Variants in DDX5 observed in about 807,000 individuals in gnomAD.
DDX5 encodes the protein probable ATP-dependent RNA helicase DDX5.
DDX5 carries 6 observed loss-of-function variants against 68.6 expected under a neutral mutation model. The ratio of observed to expected loss-of-function variants is 0.09; its 90% CI spans 0.05 to 0.17. The LOEUF (loss-of-function observed/expected upper bound fraction) is 0.17, where lower values mean the gene tolerates loss of function less well. Ranked by LOEUF, DDX5 falls within the 10% of genes least tolerant of loss-of-function variation. The probability of loss-of-function intolerance (pLI) is 1.00; values close to 1 mark genes in which losing one functional copy is unlikely to be tolerated. For missense variants in DDX5, 499 were observed against 756.1 expected (o/e 0.66, Z 3.99); for synonymous variants, 350 against 247.0 (o/e 1.42, Z -3.91).
intron 1 of DDX5, chr17:64,505,148 T>G: frequency 3.2e-6 from 1 of 315,120 alleles, no homozygotes; most frequent in Non-Finnish European, 5.8e-6. Flanking sequence ...CACACACCAC[T>G]TCTTGTGGTT....
At chr17:64,502,797 A>C in intron 8 of DDX5, 129 bp downstream of exon 8, 1 of 959,914 alleles carries the variant, frequency 1.0e-6, no homozygotes, top group Non-Finnish European at 1.5e-6. Flanking sequence ...AGAAATTTTC[A>C]GGATTAGTAG....
chr17:64,499,755 G>C lies in DDX5; in HGVS notation c.*168C>G. On this transcript the variant is annotated 3_prime_UTR_variant, in exon 13 of 13. Coordinates refer to ENST00000225792, the MANE Select transcript of DDX5 (RefSeq NM_004396.5). ...AAAAAAAACCTAAAAATTGTTTCAG[G>C]AATGTAGAGAAATATCCAACTTAAA... The C allele has an allele frequency of 1.8e-6, 1 of 561,988 alleles. No individual in the cohort carries two copies. The highest frequency in any genetic ancestry group is 3.7e-5 in the Admixed American group (1 of 26,874). 34.8% of individuals were successfully genotyped at this position (561,988 alleles called of 1,614,324 possible).
In DDX5 at chr17:64,504,829, G is replaced by C; in HGVS notation, c.58C>G (p.Arg20Gly). Residue 20 changes from arginine to glycine, a missense_variant, in exon 2 of 13, where the codon CGA becomes GGA. Arg to Gly is a moderately radical substitution (Grantham distance 125). This residue lies in a region of DDX5 where 140 missense variants were observed against 135.7 expected (regional missense o/e 1.03). Coordinates refer to ENST00000225792, the MANE Select transcript of DDX5 (RefSeq NM_004396.5). ...RGRDRGFGAPRFGGSRAGPLS... is the reference protein window; with the variant it reads ...RGRDRGFGAPGFGGSRAGPLS... ...GGCCCTGCCCTACTTCCTCCAAATC[G>C]AGGTGCACCAAACCTGGAATGAAAA... 2 of 1,601,268 alleles carry C rather than the reference G, an allele frequency of 1.2e-6. No homozygotes were observed. The highest frequency in any genetic ancestry group is 1.7e-6 in the Non-Finnish European group (2 of 1,176,532).
At position 64,505,001 on chromosome 17, in the gene DDX5, G is replaced by A. The variant is rs544756062; in HGVS notation, c.45-159C>T. ...GTGAAAATCTCTCTCTCTCTCAACA[G>A]CCACAGTTAACATTTCCCGTAGTCC... On this transcript the variant is annotated intron_variant, in intron 1 of 12. Transcript: ENST00000225792. The A allele has an allele frequency of 2.1e-3, 1,145 of 558,334 alleles. 7 individuals are homozygous for A. In the African/African-American group the frequency reaches 0.028, roughly 13 times the overall value. 34.6% of individuals were successfully genotyped at this position (558,334 alleles called of 1,614,324 possible). A position where few individuals can be genotyped will look rare whatever the true frequency, so the allele number is the denominator to read the frequency against.
At chr17:64,506,682 G>A (rs1598161385), upstream of DDX5, 5 of 261,404 alleles carry the variant, frequency 1.9e-5, no homozygotes, top group African/African-American at 6.3e-5. Flanking sequence ...GTACCACCCC[G>A]GACCACCGAG....
intron 1 of DDX5, chr17:64,505,370 T>C (rs1195560021): frequency 3.2e-5 from 14 of 438,212 alleles, no homozygotes; most frequent in Non-Finnish European, 5.4e-5. Context: ...AACGCCGCGG[T>C]AGAGCTCCGG....
rs782628502 is a variant in DDX5, at chr17:64,503,764, C to T, written c.507+39G>A. 4 of 1,590,322 alleles carry T rather than the reference C, an allele frequency of 2.5e-6. No homozygotes were observed. In the East Asian group the frequency reaches 8.9e-5, roughly 36 times the overall value. ...TTAGCTATGTAGTCTAAAATCTACA[C>T]ATTATGCTTCTAATAAAAAGTTAAA... On this transcript the variant is annotated intron_variant, in intron 5 of 12. Coordinates refer to ENST00000225792, the MANE Select transcript of DDX5 (RefSeq NM_004396.5).
chr17:64,500,994 C>G (rs1340713684), intron 11 of DDX5: 1 of 573,136 alleles, frequency 1.7e-6, no homozygotes, highest in Non-Finnish European at 3.1e-6. Flanking sequence ...CACCCAGTGA[C>G]AGACCCTGTC....
Position 64,506,231 on chromosome 17 carries a change from G to C in DDX5, c.-112C>G. The C allele has an allele frequency of 1.9e-6, 3 of 1,553,306 alleles. No homozygotes were observed. The highest frequency in any genetic ancestry group is 2.6e-6 in the Non-Finnish European group (3 of 1,148,980). On this transcript the variant is annotated 5_prime_UTR_variant, in exon 1 of 13. Transcript: ENST00000225792. ...CCTTGCGGGGGCGGCAGCGGAGGAA[G>C]GACACCGATGACACCAGCCGAAGCT...
At chr17:64,503,409 A>C in intron 6 of DDX5, 21 bp downstream of exon 6, 1 of 1,614,124 alleles carries the variant, frequency 6.2e-7, no homozygotes, top group Non-Finnish European at 8.5e-7. Context: ...AATGACAAAT[A>C]AAACCCTTTT....
At chr17:64,504,387 G>C in intron 2 of DDX5, 69 bp from the exon 3 acceptor site, 1 of 1,326,480 alleles carries the variant, frequency 7.5e-7, no homozygotes, top group Non-Finnish European at 1.1e-6. Flanking sequence ...TAATTGATAA[G>C]CCCCTAACTT....
rs144713929 is a variant in DDX5, at chr17:64,504,779, G to A, written c.108C>T (p.Asn36=). 21 of 1,613,854 alleles carry A rather than the reference G, an allele frequency of 1.3e-5. No individual in the cohort carries two copies. The highest frequency in any genetic ancestry group is 5.3e-5 in the African/African-American group (4 of 74,872). ...TCTTTTTAACTAATTTCTCCCCAGG[G>A]TTTCCAAACTTCTTTCCAGATAAGG... The part of the protein sequence containing the change: ...AGPLSGKKFG[N]PGEKLVKKKW... The change falls in exon 2 of 13, where the codon AAC becomes AAT. Residue 36 remains asparagine, a synonymous_variant. Coordinates refer to ENST00000225792, the MANE Select transcript of DDX5 (RefSeq NM_004396.5).
At position 64,499,436 on chromosome 17, in the gene DDX5, C is replaced by T. The variant is rs1208811468; in HGVS notation, c.*487G>A. On this transcript the variant is annotated 3_prime_UTR_variant, in exon 13 of 13. Transcript: ENST00000225792. ...CTGTATCAATTCATTCTGACTCCTG[C>T]AATATGAATAGCTCATTATAAAGAA... 6.6e-6 allele frequency among the ~76,000 whole-genome samples: 1 copy of T among 151,464 alleles called. No homozygotes were observed.
chr17:64,506,052 T>A, intron 1 of DDX5, 24 bp downstream of exon 1: 1 of 862,444 alleles, frequency 1.2e-6, no homozygotes, highest in Non-Finnish European at 1.6e-6. Flanking sequence ...CCGCCAGGCC[T>A]GACAGCTCGG....
At position 64,498,979 on chromosome 17, in the gene DDX5, G is replaced by T. The variant is rs578215202; in HGVS notation, c.*944C>A. ...AGTTTGAGGATCTCTAGAATTCCCT[G>T]AATTATTGGAAAGACATTCATGACT... is the stretch of plus-strand genomic sequence containing the variant. On this transcript the variant is annotated 3_prime_UTR_variant, in exon 13 of 13. Transcript: ENST00000225792. Among the ~76,000 whole-genome samples the T allele has an allele frequency of 6.6e-6, 1 of 152,148 alleles. No individual in the cohort carries two copies. Among genetic ancestry groups the T allele is most frequent in the Non-Finnish European group, 1.5e-5 (1 of 68,028 alleles).
At chr17:64,502,332 GTTAAATTCACTATCAGATATGAAAAAAA>G in intron 9 of DDX5, 79 bp downstream of exon 9, 1 of 1,478,864 alleles carries the variant, frequency 6.8e-7, no homozygotes, top group Non-Finnish European at 9.4e-7. Flanking sequence ...AAATGAAAAA[GTTAAATTCACTATCAGATATGAAAAAAA>G]TCCACTGCTC....
At chr17:64,506,322 C>T (rs1332601690), upstream of DDX5, 1 of 1,484,170 alleles carries the variant, frequency 6.7e-7, no homozygotes, top group Non-Finnish European at 8.9e-7. Context: ...CTTTTATAGT[C>T]TGGACCGCCT....
Position 64,506,272 on chromosome 17 carries a change from G to T in DDX5, c.-153C>A. 4 of 1,536,634 alleles carry T rather than the reference G, an allele frequency of 2.6e-6. No homozygotes were observed. In the South Asian group the frequency reaches 3.6e-5, roughly 14 times the overall value. ...AGCCGAAGCTGCACTACTAGAGACC[G>T]GTAGAAATGAATGAGGTGCCGGCCG... On this transcript the variant is annotated 5_prime_UTR_variant, in exon 1 of 13. Transcript: ENST00000225792.
In DDX5 at chr17:64,506,099, G is replaced by A. The variant is rs2038503906; in HGVS notation, c.21C>T (p.Asp7=). ...ACCCTCGGTCCCGGCCGCGGTCTCG[G>A]TCACTCGAATAACCCGACATGGCGT... MSGYSS[D]RDRGRDRGFG... is the part of the protein sequence containing the mutation. The change falls in exon 1 of 13, where the codon GAC becomes GAT. Residue 7 remains aspartate (D), a synonymous_variant. Transcript: ENST00000225792. The A allele has an allele frequency of 6.2e-7, 1 of 1,611,106 alleles. No homozygotes were observed. The highest frequency in any genetic ancestry group is 1.1e-5 in the South Asian group (1 of 90,340).
Sources: allele counts gnomAD v4.1 joint callset (sites outside exome capture counted in the v4.1 genomes callset), GRCh38; gene constraint gnomAD v4.1.1; regional missense constraint gnomAD v4.1.1; transcripts MANE v1.5; gene names NCBI Gene and HGNC (gene_info 2026-07-23, HGNC 2026-07-21).